Variants in IL1RAPL2 observed in about 807,000 individuals in gnomAD.
IL1RAPL2 encodes the protein X-linked interleukin-1 receptor accessory protein-like 2.
Under a neutral mutation model 44.1 loss-of-function variants are expected in IL1RAPL2, and 3 were observed. That is an observed-to-expected ratio of 0.07 (90% confidence interval 0.03 to 0.18). The LOEUF is 0.18. Among genes scored for constraint, IL1RAPL2 ranks in the 10% least tolerant of loss-of-function variants. The pLI, the probability that IL1RAPL2 is intolerant of heterozygous loss-of-function variation, is 1.00. For synonymous variants in IL1RAPL2, 181 were observed against 178.8 expected, an observed-to-expected ratio of 1.01 and a Z score of -0.10; for missense variants, 391 against 496.4, an observed-to-expected ratio of 0.79 and a Z score of 2.02.
intron 5 of IL1RAPL2, among the ~76,000 whole-genome samples, chrX:105,287,905 T>C (rs770803739): frequency 7.4e-4 from 83 of 111,521 alleles, no homozygotes; most frequent in Non-Finnish European, 1.3e-3. Flanking sequence ...TTCTAAATTA[T>C]GGTTCTTATC....
chrX:104,906,156 T>A (rs1194331934), intron 2 of IL1RAPL2, among the ~76,000 whole-genome samples: 1 of 111,282 alleles, frequency 9.0e-6, no homozygotes, highest in Non-Finnish European at 1.9e-5. Context: ...ATTGATTTTG[T>A]ATCCTGAGAC....
At chrX:105,585,717 AG>A (rs1481163372) in intron 6 of IL1RAPL2, among the ~76,000 whole-genome samples, 4 of 61,368 alleles carry the variant, frequency 6.5e-5, no homozygotes, top group Non-Finnish European at 1.2e-4. Flanking sequence ...ATGGCTGCAT[AG>A]TATTCCATGG....
intron 5 of IL1RAPL2, among the ~76,000 whole-genome samples, chrX:105,318,061 C>A (rs776724165): frequency 9.1e-4 from 99 of 109,167 alleles, no homozygotes; most frequent in African/African-American, 3.2e-3. Flanking sequence ...CAAGCTCCGC[C>A]TCCCGGGTTC....
At chrX:105,207,147 T>G (rs1556153070) in intron 3 of IL1RAPL2, among the ~76,000 whole-genome samples, 1 of 111,462 alleles carries the variant, frequency 9.0e-6, no homozygotes, top group Non-Finnish European at 1.9e-5. Context: ...AAGCGATGTT[T>G]TTCAGCCAAT....
chrX:105,022,243 G>A (rs1169577937), intron 2 of IL1RAPL2, among the ~76,000 whole-genome samples: 1 of 110,847 alleles, frequency 9.0e-6, no homozygotes, highest in Non-Finnish European at 1.9e-5. Flanking sequence ...TGAAACTCTT[G>A]TAAAGCTAGG....
At chrX:105,620,347 A>G (rs2037410744) in intron 6 of IL1RAPL2, among the ~76,000 whole-genome samples, 1 of 111,354 alleles carries the variant, frequency 9.0e-6, no homozygotes, top group Non-Finnish European at 1.9e-5. Context: ...CAGATTACAC[A>G]GTTAGTAAAT....
chrX:104,622,038 G>A lies in IL1RAPL2; in HGVS notation c.-19-36857G>A, dbSNP rs576903754. On this transcript the variant is annotated intron_variant, in intron 1 of 10. Coordinates refer to ENST00000372582, the MANE Select transcript of IL1RAPL2 (RefSeq NM_017416.2). ...GAAATCATGTCATTTAGAGCATCTT[G>A]AACTCCAGAGAGAGGTATCTCATGC... Among the ~76,000 whole-genome samples, 9 of 110,655 alleles carry A rather than the reference G, an allele frequency of 8.1e-5. No homozygotes were observed. The Middle Eastern group carries it at 0.014, about 175-fold the overall frequency.
intron 2 of IL1RAPL2, among the ~76,000 whole-genome samples, chrX:105,086,838 G>T (rs2032486487): frequency 9.1e-6 from 1 of 109,404 alleles, no homozygotes; most frequent in African/African-American, 3.3e-5. Context: ...GCCATATATG[G>T]CAATTGGCTA....
rs72616879 is a variant in IL1RAPL2, at chrX:104,873,011, C to T, written c.82+214016C>T. Among the ~76,000 whole-genome samples, 13 of 111,495 alleles carry T rather than the reference C, an allele frequency of 1.2e-4. No individual in the cohort carries two copies. The East Asian group carries it at 2.0e-3, about 17-fold the overall frequency. On this transcript the variant is annotated intron_variant, in intron 2 of 10. Transcript: ENST00000372582. The stretch of plus-strand genomic sequence containing the variant: ...CTTCAAATTAAGAAATTTATAATTG[C>T]GTATGTGTATATAGACACACACACA...
intron 1 of IL1RAPL2, chrX:104,647,388 G>T: frequency 1.8e-6 from 1 of 550,941 alleles, no homozygotes; most frequent in Non-Finnish European, 3.3e-6. Flanking sequence ...ATTTTCTGCT[G>T]CTCAGCCTTT....
chrX:105,507,454 A>C (rs2147784610), intron 6 of IL1RAPL2, among the ~76,000 whole-genome samples: 1 of 111,783 alleles, frequency 8.9e-6, no homozygotes, highest in East Asian at 2.8e-4. Flanking sequence ...AATTAGGATA[A>C]ATCTGTCTTA....
chrX:104,697,654 T>C (rs1246742116), intron 2 of IL1RAPL2, among the ~76,000 whole-genome samples: 1 of 111,384 alleles, frequency 9.0e-6, no homozygotes, highest in Non-Finnish European at 1.9e-5. Context: ...TCTTTGGAGC[T>C]TATAGTCTAG....
At chrX:105,550,319 C>A (rs868685882) in intron 6 of IL1RAPL2, among the ~76,000 whole-genome samples, 1 of 111,883 alleles carries the variant, frequency 8.9e-6, no homozygotes, top group African/African-American at 3.3e-5. Context: ...TTCTCAGTGC[C>A]ACTTATTAAA....
chrX:105,281,577 C>G (rs994994222), intron 5 of IL1RAPL2, among the ~76,000 whole-genome samples: 1 of 111,529 alleles, frequency 9.0e-6, no homozygotes, highest in Non-Finnish European at 1.9e-5. Context: ...TTTTACTGTA[C>G]CTTTTCTATG....
chrX:105,242,795 A>C (rs782241506), intron 4 of IL1RAPL2, among the ~76,000 whole-genome samples: 1 of 111,738 alleles, frequency 8.9e-6, no homozygotes, highest in East Asian at 2.8e-4. Context: ...AACCAAAAGT[A>C]TGATTTATTA....
intron 6 of IL1RAPL2, among the ~76,000 whole-genome samples, chrX:105,621,992 G>T (rs1251854033): frequency 9.1e-6 from 1 of 109,701 alleles, no homozygotes; most frequent in African/African-American, 3.3e-5. Context: ...GGGAAGTAAC[G>T]ATGGTTCAGT....
intron 3 of IL1RAPL2, among the ~76,000 whole-genome samples, chrX:105,229,248 C>T (rs182216661): frequency 0.017 from 1,953 of 111,989 alleles, 51 homozygotes; most frequent in African/African-American, 0.061. Context: ...ATTGTTAGCA[C>T]GAACTGTGCC....
intron 5 of IL1RAPL2, among the ~76,000 whole-genome samples, chrX:105,336,064 A>G (rs1396255406): frequency 1.8e-5 from 2 of 112,161 alleles, no homozygotes; most frequent in Non-Finnish European, 3.8e-5. Flanking sequence ...GCATCCCTTC[A>G]TAAACGTTGA....
intron 2 of IL1RAPL2, among the ~76,000 whole-genome samples, chrX:105,100,790 G>A (rs1227295826): frequency 8.9e-6 from 1 of 111,925 alleles, no homozygotes; most frequent in East Asian, 2.8e-4. Context: ...AGTGAACAGG[G>A]TCCTATTCAT....
Sources: allele counts gnomAD v4.1 joint callset (sites outside exome capture counted in the v4.1 genomes callset), GRCh38; gene constraint gnomAD v4.1.1; transcripts MANE v1.5; gene names NCBI Gene and HGNC (gene_info 2026-07-23, HGNC 2026-07-21).